Variants in GIT2 observed in about 807,000 individuals in gnomAD.
The protein encoded by GIT2 is ARF GTPase-activating protein GIT2.
GIT2 carries 32 observed loss-of-function variants against 100.3 expected under a neutral mutation model. That is an observed-to-expected ratio of 0.32 (90% CI 0.24 to 0.43). The LOEUF (loss-of-function observed/expected upper bound fraction) is 0.43. Ranked by LOEUF, GIT2 falls within the 20% of genes least tolerant of loss-of-function variation. The pLI, the probability that GIT2 is intolerant of heterozygous loss-of-function variation, is 1.00. For synonymous variants in GIT2, 353 were observed against 364.1 expected (o/e 0.97, Z 0.35); for missense variants, 737 against 975.1 (o/e 0.76, Z 3.25).
chr12:109,988,848 CAAA>C (rs59956597), intron 4 of GIT2, 112 bp downstream of exon 4: 8,371 of 201,090 alleles, frequency 0.042, no homozygotes, highest in South Asian at 0.052. Context: ...GACTCTGTCT[CAAA>C]AAAAAAAAAA....
At chr12:109,993,686 A>G (rs1359184659) in intron 1 of GIT2, among the ~76,000 whole-genome samples, 3 of 152,346 alleles carry the variant, frequency 2.0e-5, no homozygotes, top group Non-Finnish European at 4.4e-5. Context: ...TTATTTTCTC[A>G]GTATTCAGAT....
Position 109,962,280 on chromosome 12 carries a change from GATATCAAGGCTGC to G in GIT2, c.817-608_817-596del, listed in dbSNP as rs1881291050. Among the ~76,000 whole-genome samples the G allele has an allele frequency of 6.6e-6, 1 of 152,112 alleles. No individual in the cohort carries two copies. The highest frequency in any genetic ancestry group is 2.4e-5 in the African/African-American group (1 of 41,412). ...AGGCAGGAGGATCACTTCAGCCCAGGATATCAAGGCTGCAGTGAGCCAAGATCACACCACTGCA... is the reference window on the plus strand; with the variant it reads ...AGGCAGGAGGATCACTTCAGCCCAGGAGTGAGCCAAGATCACACCACTGCA... On this transcript the variant is annotated intron_variant, in intron 9 of 19. Coordinates refer to ENST00000355312, the MANE Select transcript of GIT2 (RefSeq NM_057169.5). The surrounding 1 kb of genome is among the most constrained non-coding windows in gnomAD (Gnocchi z 4.3).
chr12:109,934,168 G>T lies in GIT2; in HGVS notation c.2004-83C>A. ...GGACTCAAGTGCTAGAACAGATTCTGTTTACATTCCCTTCATGAAGGGGCT... is the reference window on the plus strand; with the variant it reads ...GGACTCAAGTGCTAGAACAGATTCTTTTTACATTCCCTTCATGAAGGGGCT... On this transcript the variant is annotated intron_variant, in intron 18 of 19. Transcript: ENST00000355312. This position sits in a 1 kb window ranked among gnomAD's most constrained non-coding sequence, Gnocchi z 4.5. The T allele has an allele frequency of 1.2e-6, 1 of 802,322 alleles. No homozygotes were observed. The highest frequency in any genetic ancestry group is 2.2e-6 in the Non-Finnish European group (1 of 445,676). 49.7% of individuals were successfully genotyped at this position (802,322 alleles called of 1,614,324 possible).
Position 109,991,605 on chromosome 12 carries a change from CAGG to C in GIT2, c.186+19_186+21del, listed in dbSNP as rs747408210. ...CCCTAAAATGTAAATTACCAACTGT[CAGG>C]AGAATTCTTATCCTTTACCTGAAGC... is the stretch of plus-strand genomic sequence containing the variant. On this transcript the variant is annotated intron_variant, in intron 2 of 19. Transcript: ENST00000355312. The C allele has an allele frequency of 4.4e-6, 7 of 1,592,196 alleles. No homozygotes were observed. The Admixed American group carries it at 1.2e-4, about 27-fold the overall frequency.
chr12:109,936,957 T>G (rs896779474), intron 18 of GIT2, among the ~76,000 whole-genome samples: 2 of 151,954 alleles, frequency 1.3e-5, no homozygotes, highest in Non-Finnish European at 2.9e-5. Flanking sequence ...CTGCCAAGAC[T>G]ATGGTCCTGA....
In GIT2 at chr12:109,961,684, A is replaced by C; in HGVS notation, c.818T>G (p.Leu273Arg). 1.9e-6 allele frequency: 3 copies of C among 1,569,728 alleles called. No homozygotes were observed. The South Asian group carries it at 3.3e-5, about 17-fold the overall frequency. The change falls in exon 10 of 20, where the codon CTA (leucine) becomes CGA (arginine). Residue 273 changes from leucine to arginine, a missense_variant and splice_region_variant. This residue lies in a region of GIT2 where 266 missense variants were observed against 376.2 expected (regional missense o/e 0.71). Coordinates refer to ENST00000355312, the MANE Select transcript of GIT2 (RefSeq NM_057169.5). ...AKAAKKKLQS[L>R]SNHLFEELAM... is the part of the protein sequence containing the mutation. ...AAGTTCTTCAAACAAATGATTACTT[A>C]GCTGAAAATAAAAAATATCAGGAAC...
chr12:109,975,113 A>G (rs1593096607), intron 7 of GIT2, among the ~76,000 whole-genome samples: 1 of 152,122 alleles, frequency 6.6e-6, no homozygotes, highest in South Asian at 2.1e-4. Context: ...TTTACATGGT[A>G]TATCTTTTTA....
chr12:109,979,735 C>A (rs2136741989), intron 7 of GIT2, among the ~76,000 whole-genome samples: 1 of 152,316 alleles, frequency 6.6e-6, no homozygotes, highest in African/African-American at 2.4e-5. Context: ...TAGCTAGCTA[C>A]TCCAAGCATT....
intron 18 of GIT2, among the ~76,000 whole-genome samples, chr12:109,938,160 G>A (rs1207406197): frequency 3.9e-5 from 6 of 152,022 alleles, no homozygotes; most frequent in East Asian, 3.8e-4. Context: ...ATTTATTTTC[G>A]GAGCTTCGTA....
At chr12:109,958,462 C>T (rs917859590) in intron 12 of GIT2, among the ~76,000 whole-genome samples, 2 of 152,064 alleles carry the variant, frequency 1.3e-5, no homozygotes, top group Non-Finnish European at 2.9e-5. Context: ...AGGCTGATCT[C>T]AAACTCCTGA....
At chr12:109,990,067 C>G (rs941758764) in intron 2 of GIT2, among the ~76,000 whole-genome samples, 1 of 152,176 alleles carries the variant, frequency 6.6e-6, no homozygotes, top group African/African-American at 2.4e-5. Flanking sequence ...TACTCTGACA[C>G]CTTAGAGCAG....
At chr12:109,967,274 T>A (rs1387927376) in intron 8 of GIT2, 184 bp downstream of exon 8, 9 of 1,498,782 alleles carry the variant, frequency 6.0e-6, no homozygotes, top group Non-Finnish European at 8.2e-6. Flanking sequence ...TTGCTACTTG[T>A]GCTCTTTGAA....
chr12:109,956,996 C>T (rs535187704), intron 12 of GIT2, among the ~76,000 whole-genome samples: 6 of 149,924 alleles, frequency 4.0e-5, no homozygotes, highest in African/African-American at 1.2e-4. Context: ...CCAGCCTGGG[C>T]GACAGAGTGA....
At chr12:109,954,553 G>GAGGAAAC (rs1705534762) in intron 12 of GIT2, 1 of 152,114 alleles carries the variant, frequency 6.6e-6, no homozygotes, top group Non-Finnish European at 1.5e-5. Flanking sequence ...CAGAGATGTT[G>GAGGAAAC]AGGAAACAAT....
Position 109,938,615 on chromosome 12 carries a change from T to C in GIT2, c.1815-47A>G. ...TTAAATACAGCAGGTGCTTATCAGC[T>C]GCCCCTCTGCTTCTAGGAGCCACTT... is the stretch of plus-strand genomic sequence containing the variant. On this transcript the variant is annotated intron_variant, in intron 17 of 19. Transcript: ENST00000355312. The C allele has an allele frequency of 4.2e-6, 6 of 1,420,796 alleles. No homozygotes were observed. The East Asian group carries it at 1.2e-4, about 27-fold the overall frequency. The allele number at this position is 1,420,796 out of a possible 1,614,324, so 88.0% of individuals were successfully genotyped here. A position where few individuals can be genotyped will look rare whatever the true frequency, so the allele number is the denominator to read the frequency against.
intron 7 of GIT2, among the ~76,000 whole-genome samples, chr12:109,979,570 G>A (rs977215193): frequency 2.0e-5 from 3 of 151,982 alleles, no homozygotes; most frequent in Admixed American, 6.6e-5. Context: ...ACCGCACCCC[G>A]CAGAAAAAGG....
intron 16 of GIT2, among the ~76,000 whole-genome samples, chr12:109,941,370 G>T (rs1320246692): frequency 6.6e-6 from 1 of 152,026 alleles, no homozygotes; most frequent in Non-Finnish European, 1.5e-5. Context: ...GTTTTGATCT[G>T]GCTTTATGAA....
chr12:109,999,389 T>G, upstream of GIT2: 1 of 169,872 alleles, frequency 5.9e-6, no homozygotes, highest in Non-Finnish European at 1.3e-5. This position sits in a 1 kb window ranked among gnomAD's most constrained non-coding sequence, Gnocchi z 4.3. Flanking sequence ...CATGCGGTGG[T>G]TCGCTCTCCG....
intron 4 of GIT2, 26 bp from the exon 5 acceptor site, chr12:109,983,720 A>T (rs770984427): frequency 1.2e-5 from 18 of 1,519,572 alleles, no homozygotes; most frequent in Non-Finnish European, 1.6e-5. Flanking sequence ...ACAAAAAAGG[A>T]ATCGTGGTTA....
Sources: allele counts gnomAD v4.1 joint callset (sites outside exome capture counted in the v4.1 genomes callset), GRCh38; gene constraint gnomAD v4.1.1; regional missense constraint gnomAD v4.1.1; non-coding constraint Gnocchi (gnomAD v3.1); transcripts MANE v1.5; gene names NCBI Gene and HGNC (gene_info 2026-07-23, HGNC 2026-07-21).